Variants in ABI1 observed in about 807,000 individuals in gnomAD.
ABI1 encodes the protein abl interactor 1.
ABI1 carries 14 observed loss-of-function variants against 54.6 expected under a neutral mutation model. That is an observed-to-expected ratio of 0.26 (90% CI 0.17 to 0.40). The LOEUF (loss-of-function observed/expected upper bound fraction) is 0.40, where lower values mean the gene tolerates loss of function less well. ABI1 is among the 10% of genes least tolerant of loss of function. The pLI is 1.00. For missense variants in ABI1, 443 were observed against 598.3 expected, an observed-to-expected ratio of 0.74 and a Z score of 2.71; for synonymous variants, 194 against 209.3, an observed-to-expected ratio of 0.93 and a Z score of 0.63.
chr10:26,786,603 A>G, intron 2 of ABI1, among the ~76,000 whole-genome samples: 1 of 152,200 alleles, frequency 6.6e-6, no homozygotes, highest in Non-Finnish European at 1.5e-5. Flanking sequence ...TCAGCACAGA[A>G]TTAAGTTGAG....
At position 26,758,332 on chromosome 10, in the gene ABI1, C is replaced by T. The variant is rs751804597; in HGVS notation, c.997+730G>A. Among the ~76,000 whole-genome samples the T allele has an allele frequency of 2.6e-5, 4 of 152,220 alleles. No individual in the cohort carries two copies. The South Asian group carries it at 8.3e-4, about 32-fold the overall frequency. ...AAAAGCAAACAGTGGACAACAGGTT[C>T]ATTTCTAATTTTGTTTTTTTTCCTT... On this transcript the variant is annotated intron_variant, in intron 8 of 10. Coordinates refer to ENST00000376140, the MANE Select transcript of ABI1 (RefSeq NM_001012750.3).
chr10:26,839,651 TAAAA>T, intron 1 of ABI1: 8 of 529,824 alleles, frequency 1.5e-5, no homozygotes, highest in Admixed American at 3.2e-5. Context: ...TACTTCTGTT[TAAAA>T]AAAAAAAAAA....
chr10:26,839,815 A>G (rs2049359185), intron 1 of ABI1: 2 of 699,978 alleles, frequency 2.9e-6, no homozygotes, highest in East Asian at 2.7e-5. Flanking sequence ...ATAAATCTTT[A>G]AAGTTTGCAC....
At chr10:26,809,744 A>C (rs963595663) in intron 2 of ABI1, among the ~76,000 whole-genome samples, 1 of 152,164 alleles carries the variant, frequency 6.6e-6, no homozygotes, top group Non-Finnish European at 1.5e-5. Context: ...AAAAACTGTG[A>C]GAAAACAGCA....
chr10:26,774,900 T>C (rs995275324), intron 3 of ABI1, among the ~76,000 whole-genome samples: 2 of 151,998 alleles, frequency 1.3e-5, no homozygotes, highest in African/African-American at 4.8e-5. Flanking sequence ...AACAGCAATA[T>C]GAGTAAATAT....
intron 5 of ABI1, among the ~76,000 whole-genome samples, chr10:26,769,744 G>T (rs1336215061): frequency 1.3e-5 from 2 of 152,118 alleles, no homozygotes; most frequent in East Asian, 1.9e-4. Flanking sequence ...GTGTGAAGAG[G>T]CCTAAGATTA....
Position 26,860,895 on chromosome 10 carries a change from T to C in ABI1, c.-32A>G. ...CCCCTCTGCATCGCTTCCTCTCGCG[T>C]TAAAGAGACAGAGGCAGCAAGGTCC... is the stretch of plus-strand genomic sequence containing the variant. On this transcript the variant is annotated 5_prime_UTR_variant, in exon 1 of 11. Coordinates refer to ENST00000376140, the MANE Select transcript of ABI1 (RefSeq NM_001012750.3). This position sits in a 1 kb window ranked among gnomAD's most constrained non-coding sequence, Gnocchi z 4.1. 1 of 1,597,622 alleles carries C rather than the reference T, an allele frequency of 6.3e-7. No homozygotes were observed. Among genetic ancestry groups the C allele is most frequent in the Admixed American group, 1.7e-5 (1 of 59,986 alleles).
intron 1 of ABI1, among the ~76,000 whole-genome samples, chr10:26,828,166 T>A (rs764304747): frequency 6.6e-6 from 1 of 152,178 alleles, no homozygotes; most frequent in Admixed American, 6.5e-5. Context: ...TCTCAGGCAA[T>A]AGGGAGGCCC....
At chr10:26,825,448 G>A (rs937925396) in intron 1 of ABI1, among the ~76,000 whole-genome samples, 1 of 152,070 alleles carries the variant, frequency 6.6e-6, no homozygotes, top group Non-Finnish European at 1.5e-5. Flanking sequence ...ATTACCTGAG[G>A]TCAGGAGTTC....
intron 2 of ABI1, among the ~76,000 whole-genome samples, chr10:26,800,799 G>GAGCTCACA: frequency 6.6e-6 from 1 of 152,126 alleles, no homozygotes; most frequent in Non-Finnish European, 1.5e-5. Context: ...GGGAGGTCGG[G>GAGCTCACA]AGTTCGAGAC....
At chr10:26,854,905 A>G (rs1308122450) in intron 1 of ABI1, among the ~76,000 whole-genome samples, 1 of 152,238 alleles carries the variant, frequency 6.6e-6, no homozygotes, top group East Asian at 1.9e-4. Context: ...GGATGCAGGA[A>G]AAGAAAAAAG....
chr10:26,839,793 AAAT>A (rs2049356134), intron 1 of ABI1: 1 of 700,674 alleles, frequency 1.4e-6, no homozygotes, highest in South Asian at 1.5e-5. Context: ...TCTACAGAAA[AAAT>A]AAAAATAAAT....
chr10:26,766,825 A>G (rs116627196), intron 6 of ABI1, among the ~76,000 whole-genome samples: 1 of 152,228 alleles, frequency 6.6e-6, no homozygotes, highest in African/African-American at 2.4e-5. Context: ...AAAAAAATCA[A>G]GAGGAATAAT....
chr10:26,763,465 TCA>T (rs1839494402), intron 7 of ABI1, among the ~76,000 whole-genome samples: 2 of 152,126 alleles, frequency 1.3e-5, no homozygotes, highest in South Asian at 4.1e-4. Context: ...CAGGAAAGCC[TCA>T]GAGTACCCCA....
intron 2 of ABI1, among the ~76,000 whole-genome samples, chr10:26,784,890 T>C (rs1457546838): frequency 1.3e-5 from 2 of 152,226 alleles, no homozygotes; most frequent in Non-Finnish European, 2.9e-5. Flanking sequence ...ATCTGTGCTC[T>C]ATATTCTGCA....
chr10:26,851,224 G>T (rs899242745), intron 1 of ABI1, among the ~76,000 whole-genome samples: 4 of 151,992 alleles, frequency 2.6e-5, no homozygotes, highest in Admixed American at 2.0e-4. Flanking sequence ...AAAAGACAGG[G>T]TTTCACTGTT....
intron 1 of ABI1, among the ~76,000 whole-genome samples, chr10:26,857,489 A>C (rs921412552): frequency 6.6e-6 from 1 of 151,658 alleles, no homozygotes; most frequent in African/African-American, 2.4e-5. Context: ...AAACAAATAC[A>C]GAAATTAGCT....
Position 26,765,325 on chromosome 10 carries a change from AG to A in ABI1, c.720-8del. The A allele has an allele frequency of 6.4e-7, 1 of 1,569,016 alleles. No individual in the cohort carries two copies. The highest frequency in any genetic ancestry group is 8.6e-7 in the Non-Finnish European group (1 of 1,162,758). ...ACTTCCTCCACTACTTCCACTGAAA[AG>A]AAAAAAAAAAACTGTGAAAAACCAA... On this transcript the variant is annotated splice_polypyrimidine_tract_variant and splice_region_variant and intron_variant, in intron 6 of 10. Coordinates refer to ENST00000376140, the MANE Select transcript of ABI1 (RefSeq NM_001012750.3).
At chr10:26,755,578 CGAT>C in intron 9 of ABI1, 74 bp downstream of exon 9, 1 of 1,146,218 alleles carries the variant, frequency 8.7e-7, no homozygotes, top group Non-Finnish European at 1.3e-6. Flanking sequence ...GTAAGGAAAA[CGAT>C]GACTCATCGT....
Sources: allele counts gnomAD v4.1 joint callset (sites outside exome capture counted in the v4.1 genomes callset), GRCh38; gene constraint gnomAD v4.1.1; non-coding constraint Gnocchi (gnomAD v3.1); transcripts MANE v1.5; gene names NCBI Gene and HGNC (gene_info 2026-07-23, HGNC 2026-07-21).